Variants in ONECUT2 observed in about 807,000 individuals in gnomAD.
The protein encoded by ONECUT2 is one cut domain family member 2.
A neutral mutation model predicts 27.9 loss-of-function variants in ONECUT2; 10 were observed. The ratio of observed to expected loss-of-function variants is 0.36; its 90% CI spans 0.22 to 0.61. The LOEUF is 0.61. Ranked by LOEUF, ONECUT2 falls within the 20% of genes least tolerant of loss-of-function variation. The pLI is 0.73. For missense variants in ONECUT2, 686 were observed against 721.0 expected, an observed-to-expected ratio of 0.95 and a Z score of 0.56; for synonymous variants, 334 against 315.1, an observed-to-expected ratio of 1.06 and a Z score of -0.64.
In ONECUT2 at chr18:57,435,926, G is replaced by A. The variant is rs982848403; in HGVS notation, c.210G>A (p.Ala70=). ...TGGCCAGCCCCAGCCCCCACCACGC[G>A]GGCCGCGGCGCCGCTGGCTCGCTGC... ...ELLASPSPHH[A]GRGAAGSLRG... is the part of the protein sequence containing the mutation. Residue 70 remains alanine (A), a synonymous_variant, in exon 1 of 2, where the codon GCG becomes GCA. Coordinates refer to ENST00000491143, the MANE Select transcript of ONECUT2 (RefSeq NM_004852.3). 9.4e-6 allele frequency: 11 copies of A among 1,174,272 alleles called. No homozygotes were observed. Among genetic ancestry groups the A allele is most frequent in the Non-Finnish European group, 1.2e-5 (11 of 953,372 alleles). The allele number at this position is 1,174,272 out of a possible 1,614,324, so 72.7% of individuals were successfully genotyped here.
Position 57,487,899 on chromosome 18 carries a change from C to G in ONECUT2, c.*11176C>G, listed in dbSNP as rs1182081134. 6.6e-6 allele frequency: 1 copy of G among 152,090 alleles called. No individual in the cohort carries two copies. The highest frequency in any genetic ancestry group is 1.5e-5 in the Non-Finnish European group (1 of 68,022). 9.4% of individuals were successfully genotyped at this position (152,090 alleles called of 1,614,324 possible). On this transcript the variant is annotated 3_prime_UTR_variant, in exon 2 of 2. Transcript: ENST00000491143. ...CTTTCTTATACTTGGGTTCAAAGAC[C>G]CATTCTCCAGTTTCATATTTCCCAA...
chr18:57,485,343 A>G lies in ONECUT2; in HGVS notation c.*8620A>G, dbSNP rs1251398876. 6.6e-6 allele frequency: 1 copy of G among 152,200 alleles called. No homozygotes were observed. The highest frequency in any genetic ancestry group is 1.5e-5 in the Non-Finnish European group (1 of 68,030). The allele number at this position is 152,200 out of a possible 1,614,324, so 9.4% of individuals were successfully genotyped here. A position where few individuals can be genotyped will look rare whatever the true frequency, so the allele number is the denominator to read the frequency against. On this transcript the variant is annotated 3_prime_UTR_variant, in exon 2 of 2. Transcript: ENST00000491143. ...AGAAGTTTAAGCCTTACATCATTTGATACTAAAGGGTTATTTGTGGTAAAT... is the reference window on the plus strand; with the variant it reads ...AGAAGTTTAAGCCTTACATCATTTGGTACTAAAGGGTTATTTGTGGTAAAT...
chr18:57,440,589 G>T (rs2050168731), intron 1 of ONECUT2, among the ~76,000 whole-genome samples: 1 of 152,216 alleles, frequency 6.6e-6, no homozygotes, highest in Non-Finnish European at 1.5e-5. Context: ...GCGGCCGAGG[G>T]CCCTTAGCCA....
At position 57,436,062 on chromosome 18, in the gene ONECUT2, G is replaced by C. The variant is rs1010681605; in HGVS notation, c.346G>C (p.Gly116Arg). The change falls in exon 1 of 2, where the codon GGC (glycine) becomes CGC (arginine). Residue 116 changes from glycine to arginine, a missense_variant. Coordinates refer to ENST00000491143, the MANE Select transcript of ONECUT2 (RefSeq NM_004852.3). This position sits in a 1 kb window ranked among gnomAD's most constrained non-coding sequence, Gnocchi z 5.9. Reference sequence around the variant, plus strand: ...CACCAGCATGGCCTCGATCCTGGACGGCGGCGACTACCGGCCCGAGCTCTC... The same window carrying C: ...CACCAGCATGGCCTCGATCCTGGACCGCGGCGACTACCGGCCCGAGCTCTC... Reference protein sequence around the residue: ...MVTSMASILDGGDYRPELSIP... With the variant: ...MVTSMASILDRGDYRPELSIP... The C allele has an allele frequency of 6.3e-7, 1 of 1,594,804 alleles. No homozygotes were observed. The highest frequency in any genetic ancestry group is 1.7e-5 in the Admixed American group (1 of 59,788).
At chr18:57,444,115 T>C (rs4060159) in intron 1 of ONECUT2, among the ~76,000 whole-genome samples, 15,913 of 152,282 alleles carry the variant, frequency 0.1, 1,001 homozygotes, top group South Asian at 0.17. Context: ...CCCGCAGTGT[T>C]AGTGGTTTGC....
intron 1 of ONECUT2, among the ~76,000 whole-genome samples, chr18:57,450,610 C>T (rs1262620397): frequency 3.3e-5 from 5 of 152,152 alleles, no homozygotes; most frequent in African/African-American, 1.2e-4. Context: ...GTGATGTCTT[C>T]GTTAATAGCA....
Position 57,436,747 on chromosome 18 carries a change from C to T in ONECUT2, c.1031C>T (p.Ala344Val), listed in dbSNP as rs778900208. ...AAAGAGGTGGCCCAGCGCATCACAG[C>T]GGAGCTGAAGCGCTACAGTATCCCC... ...NTKEVAQRIT[A>V]ELKRYSIPQA... The change falls in exon 1 of 2, where the codon GCG (alanine) becomes GTG (valine). Residue 344 changes from alanine (A) to valine (V), a missense_variant. Around this residue, in one of 4 missense-constraint regions of ONECUT2, gnomAD observed 47 missense variants for 86.0 expected, o/e 0.55. Transcript: ENST00000491143. The surrounding 1 kb of genome is among the most constrained non-coding windows in gnomAD (Gnocchi z 5.9). 6.2e-7 allele frequency: 1 copy of T among 1,613,978 alleles called. No individual in the cohort carries two copies. The highest frequency in any genetic ancestry group is 1.3e-5 in the African/African-American group (1 of 75,078).
rs527967306 is a variant in ONECUT2, at chr18:57,482,885, A to T, written c.*6162A>T. The stretch of plus-strand genomic sequence containing the variant: ...TACATTGTTTTCATTATTTATTGTA[A>T]CATTGAAAACCACAGTGCAGGGAAA... On this transcript the variant is annotated 3_prime_UTR_variant, in exon 2 of 2. Coordinates refer to ENST00000491143, the MANE Select transcript of ONECUT2 (RefSeq NM_004852.3). 2 of 152,734 alleles carry T rather than the reference A, an allele frequency of 1.3e-5. No individual in the cohort carries two copies. The highest frequency in any genetic ancestry group is 4.8e-5 in the African/African-American group (2 of 41,574). 9.5% of individuals were successfully genotyped at this position (152,734 alleles called of 1,614,324 possible).
rs563751204 is a variant in ONECUT2 at position 57,467,347 on chromosome 18, T to C, written c.1229-9090T>C. ...ATTGATCATCCACATTTCCTTTGGT[T>C]TTTTTTTTGTTTGTTTGTTTGTTTG... On this transcript the variant is annotated intron_variant, in intron 1 of 1. Transcript: ENST00000491143. 24 of 260,324 alleles carry C rather than the reference T, an allele frequency of 9.2e-5. No homozygotes were observed. In the East Asian group the frequency reaches 2.1e-3, roughly 23 times the overall value. The allele number at this position is 260,324 out of a possible 1,614,324, so 16.1% of individuals were successfully genotyped here.
intron 1 of ONECUT2, among the ~76,000 whole-genome samples, chr18:57,448,961 T>G (rs2050215562): frequency 6.6e-6 from 1 of 152,244 alleles, no homozygotes; most frequent in Non-Finnish European, 1.5e-5. Context: ...TGCCTCCTAA[T>G]GTATACCAGA....
intron 1 of ONECUT2, among the ~76,000 whole-genome samples, chr18:57,445,544 TG>T (rs1313161721): frequency 1.8e-4 from 28 of 152,324 alleles, no homozygotes; most frequent in African/African-American, 6.7e-4. Flanking sequence ...GGCTATCTCT[TG>T]GGTTGTTTTT....
In ONECUT2 at chr18:57,491,031, G is replaced by A. The variant is rs994799715; in HGVS notation, c.*14308G>A. The stretch of plus-strand genomic sequence containing the variant: ...AGACTTTCCAGGGACGGTCAACAGG[G>A]TATATGTTCAGTGGCTGCCCTGAAA... On this transcript the variant is annotated 3_prime_UTR_variant, in exon 2 of 2. Transcript: ENST00000491143. 1.3e-5 allele frequency: 2 copies of A among 152,632 alleles called. No homozygotes were observed. Among genetic ancestry groups the A allele is most frequent in the African/African-American group, 4.8e-5 (2 of 41,452 alleles). The allele number at this position is 152,632 out of a possible 1,614,324, so 9.5% of individuals were successfully genotyped here.
chr18:57,469,629 C>A (rs1038716861), intron 1 of ONECUT2, among the ~76,000 whole-genome samples: 2 of 152,224 alleles, frequency 1.3e-5, no homozygotes, highest in African/African-American at 4.8e-5. Context: ...GACAACCTCA[C>A]AAAGAAAACA....
At chr18:57,443,972 T>C (rs1169619542) in intron 1 of ONECUT2, among the ~76,000 whole-genome samples, 7 of 152,354 alleles carry the variant, frequency 4.6e-5, no homozygotes, top group African/African-American at 1.7e-4. Context: ...TTGGCTCTTG[T>C]AATCAAATAT....
intron 1 of ONECUT2, among the ~76,000 whole-genome samples, chr18:57,455,981 C>G (rs1387382014): frequency 2.0e-5 from 3 of 152,144 alleles, no homozygotes; most frequent in African/African-American, 7.2e-5. Context: ...TTTGGAAACC[C>G]GGTTCCCTCT....
chr18:57,476,592 C>G lies in ONECUT2; in HGVS notation c.1384C>G (p.Gln462Glu). ...SKEMQITISQ[Q>E]LGLELTTVSN... ...GGAGATGCAGATCACCATTTCCCAG[C>G]AGCTGGGCCTGGAGCTCACAACCGT... Residue 462 changes from glutamine (Q) to glutamate (E), a missense_variant, in exon 2 of 2, where the codon CAG becomes GAG. By Grantham distance (29) the Gln-to-Glu change is conservative. This residue lies in a region of ONECUT2 where 77 missense variants were observed against 105.5 expected (regional missense o/e 0.73). Transcript: ENST00000491143. The G allele has an allele frequency of 6.2e-7, 1 of 1,614,230 alleles. No homozygotes were observed. The highest frequency in any genetic ancestry group is 1.1e-5 in the South Asian group (1 of 91,086).
chr18:57,439,146 T>C (rs2050160420), intron 1 of ONECUT2, among the ~76,000 whole-genome samples: 1 of 152,234 alleles, frequency 6.6e-6, no homozygotes, highest in African/African-American at 2.4e-5. Flanking sequence ...ATGAGGAAAG[T>C]AATGCTTCGC....
intron 1 of ONECUT2, among the ~76,000 whole-genome samples, chr18:57,470,316 A>G (rs1192020989): frequency 2.0e-5 from 3 of 152,130 alleles, no homozygotes; most frequent in Admixed American, 6.5e-5. Context: ...CTCTTACTTC[A>G]CAGGCTTCCC....
chr18:57,448,036 T>C (rs968992803), intron 1 of ONECUT2, among the ~76,000 whole-genome samples: 1 of 151,908 alleles, frequency 6.6e-6, no homozygotes, highest in African/African-American at 2.4e-5. Flanking sequence ...GACCCCTGAC[T>C]CTGGCCTTTT....
Sources: allele counts gnomAD v4.1 joint callset (sites outside exome capture counted in the v4.1 genomes callset), GRCh38; gene constraint gnomAD v4.1.1; regional missense constraint gnomAD v4.1.1; non-coding constraint Gnocchi (gnomAD v3.1); transcripts MANE v1.5; gene names NCBI Gene and HGNC (gene_info 2026-07-23, HGNC 2026-07-21).